Variants in ATP2B4 observed in about 807,000 individuals in gnomAD.
ATP2B4 encodes plasma membrane calcium-transporting ATPase 4.
ATP2B4 carries 39 observed loss-of-function variants against 110.3 expected under a neutral mutation model. The observed-to-expected ratio is 0.35, with a 90% CI of 0.27 to 0.46. The LOEUF (loss-of-function observed/expected upper bound fraction) is 0.46. ATP2B4 is among the 20% of genes least tolerant of loss of function. The pLI is 1.00. For missense variants in ATP2B4, 1,135 were observed against 1,530.9 expected, an observed-to-expected ratio of 0.74 and a Z score of 4.32; for synonymous variants, 538 against 571.7, an observed-to-expected ratio of 0.94 and a Z score of 0.84.
chr1:203,723,457 T>TCTCTCC (rs1407579331), intron 18 of ATP2B4, among the ~76,000 whole-genome samples: 32 of 113,502 alleles, frequency 2.8e-4, no homozygotes, highest in Non-Finnish European at 4.9e-4. Flanking sequence ...TCTCTCTCTC[T>TCTCTCC]CTCCCTCTGC....
chr1:203,646,741 G>T (rs1198249924), intron 1 of ATP2B4, among the ~76,000 whole-genome samples: 1 of 152,030 alleles, frequency 6.6e-6, no homozygotes, highest in Non-Finnish European at 1.5e-5. Context: ...TCAGCCTGGT[G>T]ACAGAGCGAG....
chr1:203,731,146 A>G (rs992217017), intron 20 of ATP2B4, among the ~76,000 whole-genome samples: 6 of 152,138 alleles, frequency 3.9e-5, no homozygotes, highest in African/African-American at 1.4e-4. Context: ...ACCCACCCCA[A>G]GTGTAAACCC....
chr1:203,643,836 G>A (rs1459671314), intron 1 of ATP2B4, among the ~76,000 whole-genome samples: 2 of 152,198 alleles, frequency 1.3e-5, no homozygotes, highest in African/African-American at 2.4e-5. Flanking sequence ...TGGCTGCAGC[G>A]TTTTCACTGA....
chr1:203,732,826 A>AG (rs1399182050), intron 20 of ATP2B4, among the ~76,000 whole-genome samples: 1 of 152,016 alleles, frequency 6.6e-6, no homozygotes, highest in Non-Finnish European at 1.5e-5. Context: ...AAAAAAAAAA[A>AG]AAAGTACAGG....
intron 20 of ATP2B4, chr1:203,733,632 A>G (rs1407990826): frequency 2.3e-6 from 1 of 443,856 alleles, no homozygotes; most frequent in Non-Finnish European, 3.9e-6. Flanking sequence ...AAAGACAATA[A>G]TTCTGTTTTC....
Position 203,629,197 on chromosome 1 carries a change from CT to C in ATP2B4, c.-465+1979del, listed in dbSNP as rs1300481680. On this transcript the variant is annotated intron_variant, in intron 1 of 20. Transcript: ENST00000357681. The surrounding 1 kb of genome is among the most constrained non-coding windows in gnomAD (Gnocchi z 4.6). ...TAGACAGCTCTTCCCTACCTGTGTT[CT>C]GCTCGAGAAGGGAATGAGGCCTTCC... Among the ~76,000 whole-genome samples the C allele has an allele frequency of 8.5e-5, 13 of 152,204 alleles. No homozygotes were observed. Among genetic ancestry groups the C allele is most frequent in the Admixed American group, 6.5e-5 (1 of 15,292 alleles).
Position 203,707,819 on chromosome 1 carries a change from C to T in ATP2B4, c.1315-43C>T, listed in dbSNP as rs12075370. ...GCCTTTGACCTAGATTTAGGAGAGT[C>T]CAGTTAGTCCCCCTCTCAAGTCTTT... is the stretch of plus-strand genomic sequence containing the variant. On this transcript the variant is annotated intron_variant, in intron 9 of 20. Coordinates refer to ENST00000357681, the MANE Select transcript of ATP2B4 (RefSeq NM_001684.5). 5,450 of 1,606,608 alleles carry T rather than the reference C, an allele frequency of 3.4e-3. 177 individuals carry two copies. The African/African-American group carries it at 0.065, about 19-fold the overall frequency.
At chr1:203,687,131 C>G (rs1571722925) in intron 2 of ATP2B4, among the ~76,000 whole-genome samples, 2 of 150,958 alleles carry the variant, frequency 1.3e-5, no homozygotes, top group East Asian at 3.9e-4. Flanking sequence ...AGGGCTTGTT[C>G]TGGAACTGGG....
chr1:203,705,353 C>T lies in ATP2B4; in HGVS notation c.1099+1540C>T, dbSNP rs73064452. On this transcript the variant is annotated intron_variant, in intron 8 of 20. Coordinates refer to ENST00000357681, the MANE Select transcript of ATP2B4 (RefSeq NM_001684.5). ...ACAGGTTTGAAACATTAAATCTACC[C>T]CACCTAACCCTTGTACTATTCTCCT... is the stretch of plus-strand genomic sequence containing the variant. Among the ~76,000 whole-genome samples, 444 of 152,270 alleles carry T rather than the reference C, an allele frequency of 2.9e-3. 3 individuals carry two copies. The highest frequency in any genetic ancestry group is 0.01 in the African/African-American group (416 of 41,560).
chr1:203,649,922 C>A (rs1663925965), intron 1 of ATP2B4, among the ~76,000 whole-genome samples: 1 of 152,218 alleles, frequency 6.6e-6, no homozygotes, highest in Non-Finnish European at 1.5e-5. Context: ...TCCCCATACG[C>A]TAAGTAGGGT....
chr1:203,658,123 A>T (rs1271062863), intron 1 of ATP2B4, among the ~76,000 whole-genome samples: 1 of 152,200 alleles, frequency 6.6e-6, no homozygotes, highest in Non-Finnish European at 1.5e-5. Context: ...CTGAGAAACC[A>T]AAACAATAAT....
At chr1:203,654,978 A>C (rs899767351) in intron 1 of ATP2B4, among the ~76,000 whole-genome samples, 68 of 151,968 alleles carry the variant, frequency 4.5e-4, no homozygotes, top group African/African-American at 1.4e-3. Context: ...GAAGAAGTTG[A>C]TTCCAACCCT....
chr1:203,735,612 A>C (rs1666859073), intron 20 of ATP2B4, among the ~76,000 whole-genome samples: 1 of 152,098 alleles, frequency 6.6e-6, no homozygotes, highest in Non-Finnish European at 1.5e-5. Flanking sequence ...CTTTAGCCAA[A>C]GTGTTCTGAT....
intron 2 of ATP2B4, among the ~76,000 whole-genome samples, chr1:203,684,925 G>A (rs952864404): frequency 6.6e-6 from 1 of 152,082 alleles, no homozygotes; most frequent in Admixed American, 6.6e-5. Flanking sequence ...GTGCAATGGT[G>A]CAATCTTGGC....
At chr1:203,686,859 A>C (rs922976343) in intron 2 of ATP2B4, among the ~76,000 whole-genome samples, 1 of 151,164 alleles carries the variant, frequency 6.6e-6, no homozygotes, top group Non-Finnish European at 1.5e-5. Flanking sequence ...ACTCCCAGCT[A>C]GTTTTTTGTA....
chr1:203,691,311 G>A (rs555082968), intron 2 of ATP2B4, among the ~76,000 whole-genome samples: 2 of 152,306 alleles, frequency 1.3e-5, no homozygotes, highest in South Asian at 4.1e-4. Context: ...AAGAAAAATA[G>A]CATTCCCTCC....
At chr1:203,667,852 G>A (rs752891068) in intron 1 of ATP2B4, among the ~76,000 whole-genome samples, 1 of 152,184 alleles carries the variant, frequency 6.6e-6, no homozygotes, top group African/African-American at 2.4e-5. Context: ...ACCCTAAAGG[G>A]AGGAAAGTGA....
intron 2 of ATP2B4, among the ~76,000 whole-genome samples, chr1:203,697,039 A>C (rs988252327): frequency 2.6e-5 from 4 of 152,076 alleles, no homozygotes; most frequent in Non-Finnish European, 4.4e-5. Flanking sequence ...TTCTCTTTTT[A>C]TTCAATCTGA....
Position 203,713,169 on chromosome 1 carries a change from A to C in ATP2B4, c.2216A>C (p.Glu739Ala). 6.2e-7 allele frequency: 1 copy of C among 1,614,192 alleles called. No individual in the cohort carries two copies. Among genetic ancestry groups the C allele is most frequent in the Non-Finnish European group, 8.5e-7 (1 of 1,180,010 alleles). The change falls in exon 14 of 21, where the codon GAG (glutamate) becomes GCG (alanine). Residue 739 changes from glutamate (E) to alanine (A), a missense_variant. This residue lies in a region of ATP2B4 where 368 missense variants were observed against 455.9 expected (regional missense o/e 0.81). Transcript: ENST00000357681. ...GGTGTGGTCTGGTGTTGGCAGGTAG[A>C]GCAAGAAAAGCTGGACAAGATCTGG... ...RLIRNEKGEVEQEKLDKIWPK... is the reference protein window; with the variant it reads ...RLIRNEKGEVAQEKLDKIWPK...
Sources: allele counts gnomAD v4.1 joint callset (sites outside exome capture counted in the v4.1 genomes callset), GRCh38; gene constraint gnomAD v4.1.1; regional missense constraint gnomAD v4.1.1; non-coding constraint Gnocchi (gnomAD v3.1); transcripts MANE v1.5; gene names NCBI Gene and HGNC (gene_info 2026-07-23, HGNC 2026-07-21).